The following MROH7 variants were observed in gnomAD, a reference collection of about 807,000 sequenced individuals.
MROH7 encodes the protein maestro heat like repeat family member 7.
Under a neutral mutation model 129.2 loss-of-function variants are expected in MROH7, and 113 were observed. The ratio of observed to expected loss-of-function variants is 0.87; its 90% confidence interval spans 0.75 to 1.02. MROH7 has a LOEUF of 1.02. Among genes scored for constraint, MROH7 ranks in the 50% least tolerant of loss-of-function variants. The pLI is 0.00. For synonymous variants in MROH7, 655 were observed against 667.9 expected, an observed-to-expected ratio of 0.98 and a Z score of 0.30; for missense variants, 1,601 against 1,671.3, an observed-to-expected ratio of 0.96 and a Z score of 0.73.
At chr1:54,682,590 A>G in intron 13 of MROH7, 66 bp from the exon 14 acceptor site, 1 of 1,533,040 alleles carries the variant, frequency 6.5e-7, no homozygotes, top group East Asian at 2.3e-5. Flanking sequence ...TCCCAAAACC[A>G]TTTGGAGGCT....
chr1:54,675,843 C>G (rs1569921208), intron 10 of MROH7, among the ~76,000 whole-genome samples: 1 of 151,664 alleles, frequency 6.6e-6, no homozygotes, highest in East Asian at 1.9e-4. Context: ...GGTTTCAAGA[C>G]CAGGCTGGTC....
chr1:54,709,517 C>T (rs951649762), intron 23 of MROH7, among the ~76,000 whole-genome samples: 1 of 152,082 alleles, frequency 6.6e-6, no homozygotes, highest in Admixed American at 6.5e-5. Context: ...TGCGCCTGGC[C>T]AATTTTACTA....
chr1:54,679,204 C>T (rs949757782), intron 11 of MROH7, 59 bp from the exon 12 acceptor site: 37 of 1,576,518 alleles, frequency 2.3e-5, no homozygotes, highest in Non-Finnish European at 2.9e-5. Flanking sequence ...GCACAAAGCT[C>T]GAAGCTCAAA....
At chr1:54,705,760 A>G (rs1439153047) in intron 21 of MROH7, among the ~76,000 whole-genome samples, 1 of 152,196 alleles carries the variant, frequency 6.6e-6, no homozygotes, top group East Asian at 1.9e-4. Context: ...GACCCAGAAC[A>G]TGATCATGAA....
intron 17 of MROH7, chr1:54,697,563 A>G: frequency 1.6e-6 from 1 of 617,082 alleles, no homozygotes; most frequent in East Asian, 2.8e-5. Flanking sequence ...TGAGGGAAAG[A>G]GAAAGGGAAA....
intron 14 of MROH7, 83 bp downstream of exon 14, chr1:54,682,877 G>C (rs866856679): frequency 1.3e-6 from 2 of 1,490,100 alleles, no homozygotes; most frequent in East Asian, 2.3e-5. Flanking sequence ...AAGCACACCC[G>C]GCCTCGAGTA....
chr1:54,697,619 C>T, intron 17 of MROH7: 1 of 699,492 alleles, frequency 1.4e-6, no homozygotes, highest in Non-Finnish European at 2.6e-6. Flanking sequence ...CTTGTATTGA[C>T]CTCTTTCAAA....
chr1:54,702,312 G>A (rs1282755950), intron 20 of MROH7, 67 bp downstream of exon 20: 40 of 1,311,992 alleles, frequency 3.0e-5, no homozygotes, highest in South Asian at 1.9e-4. Context: ...CTCTTTTTAC[G>A]TTAACCAAGC....
chr1:54,663,129 A>G (rs936885961), intron 3 of MROH7, among the ~76,000 whole-genome samples: 22 of 152,220 alleles, frequency 1.4e-4, no homozygotes, highest in African/African-American at 5.3e-4. Flanking sequence ...TGTAGTAAAT[A>G]TCGTGTGGTC....
At chr1:54,660,515 T>TA (rs1035244002) in intron 3 of MROH7, among the ~76,000 whole-genome samples, 7 of 152,084 alleles carry the variant, frequency 4.6e-5, no homozygotes, top group African/African-American at 1.4e-4. Flanking sequence ...TGTTATCAGT[T>TA]AAAAAAATTG....
In MROH7 at chr1:54,710,126, AC is replaced by A; in HGVS notation, c.3913del (p.Gln1305SerfsTer17). ...AGCTGTGAGAACCTGCCCACTTCCC[AC>A]CAGCGGCGCTCCTGGATCATGCAGG... ...SPSCENLPTS[H>X]QRRSWIMQAL... On this transcript the variant is annotated frameshift_variant, in exon 24 of 24. Transcript: ENST00000421030. LOFTEE classifies it high-confidence loss of function. 6.2e-7 allele frequency: 1 copy of A among 1,613,824 alleles called. No homozygotes were observed. The highest frequency in any genetic ancestry group is 8.5e-7 in the Non-Finnish European group (1 of 1,179,982).
chr1:54,661,010 C>CTTTTTTTTT (rs34137020), intron 3 of MROH7, among the ~76,000 whole-genome samples: 3 of 117,450 alleles, frequency 2.6e-5, no homozygotes, highest in Non-Finnish European at 3.9e-5. Flanking sequence ...ACGTTTTGTG[C>CTTTTTTTTT]TTTTTTTTTT....
intron 15 of MROH7, among the ~76,000 whole-genome samples, chr1:54,688,625 G>C (rs1011114326): frequency 4.6e-5 from 7 of 152,274 alleles, no homozygotes; most frequent in South Asian, 2.1e-4. Flanking sequence ...CTATGAAATG[G>C]ATAAATGATT....
At chr1:54,677,146 T>G (rs1557709281) in intron 10 of MROH7, among the ~76,000 whole-genome samples, 1 of 151,992 alleles carries the variant, frequency 6.6e-6, no homozygotes, top group Non-Finnish European at 1.5e-5. Context: ...CGCCTGTAAT[T>G]CCAGCACTTT....
chr1:54,671,178 G>C (rs1198680646), intron 7 of MROH7, among the ~76,000 whole-genome samples: 1 of 152,092 alleles, frequency 6.6e-6, no homozygotes, highest in African/African-American at 2.4e-5. Flanking sequence ...ACGAGGTCAG[G>C]AGACTGAGAC....
At chr1:54,698,002 A>C (rs1569981393) in intron 17 of MROH7, 1 of 305,822 alleles carries the variant, frequency 3.3e-6, no homozygotes, top group Non-Finnish European at 6.0e-6. Flanking sequence ...AGTCTTTTCC[A>C]CCTCCCCAGA....
Position 54,706,488 on chromosome 1 carries a change from T to C in MROH7, c.3618T>C (p.Tyr1206=), listed in dbSNP as rs370989009. 8 of 1,613,492 alleles carry C rather than the reference T, an allele frequency of 5.0e-6. No individual in the cohort carries two copies. In the African/African-American group the frequency reaches 9.4e-5, roughly 19 times the overall value. ...TATTCCTCAGCCAGAGCCTGGAGTA[T>C]GCCAAGAACTCACGGGCCTCCCTCC... ...AFIFLSQSLE[Y]AKNSRASLRK... is the part of the protein sequence containing the mutation. Residue 1206 remains tyrosine, a synonymous_variant, in exon 22 of 24, where the codon TAT becomes TAC. Transcript: ENST00000421030.
chr1:54,707,145 A>G (rs1273379421), intron 22 of MROH7, among the ~76,000 whole-genome samples: 2 of 152,152 alleles, frequency 1.3e-5, no homozygotes, highest in East Asian at 3.9e-4. Flanking sequence ...ACAAACAAAC[A>G]AAAAACACCA....
At chr1:54,651,148 A>G (rs1048470134) in intron 1 of MROH7, 4 of 152,472 alleles carry the variant, frequency 2.6e-5, no homozygotes, top group African/African-American at 9.6e-5. Context: ...AAACAAAACA[A>G]AAACTACAAA....
Sources: allele counts gnomAD v4.1 joint callset (sites outside exome capture counted in the v4.1 genomes callset), GRCh38; gene constraint gnomAD v4.1.1; transcripts MANE v1.5; gene names NCBI Gene and HGNC (gene_info 2026-07-23, HGNC 2026-07-21).